The following KIF1C variants were observed in gnomAD, a reference collection of about 807,000 sequenced individuals.
KIF1C encodes the protein kinesin-like protein KIF1C.
Under a neutral mutation model 126.5 loss-of-function variants are expected in KIF1C, and 61 were observed. The ratio of observed to expected loss-of-function variants is 0.48; its 90% CI spans 0.39 to 0.60. The LOEUF (loss-of-function observed/expected upper bound fraction) is 0.60. KIF1C is among the 20% of genes least tolerant of loss of function. The probability of loss-of-function intolerance (pLI) is 0.00; values close to 1 mark genes in which losing one functional copy is unlikely to be tolerated. For missense variants in KIF1C, 1,315 were observed against 1,489.2 expected, an observed-to-expected ratio of 0.88 and a Z score of 1.93; for synonymous variants, 640 against 580.6, an observed-to-expected ratio of 1.10 and a Z score of -1.47.
At chr17:5,015,076 G>A (rs1416697413) in intron 18 of KIF1C, among the ~76,000 whole-genome samples, 4 of 152,192 alleles carry the variant, frequency 2.6e-5, no homozygotes, top group Non-Finnish European at 4.4e-5. Context: ...ACTGGCGAGG[G>A]TTCTAAGGTA....
rs34061009 is a variant in KIF1C, at chr17:5,026,740, CA to C, written c.*2610del. On this transcript the variant is annotated 3_prime_UTR_variant, in exon 23 of 23. Transcript: ENST00000320785. ...GGCCTGGGCAAGAGTGGGACTCTCTCAAAAAAAAAAAAAAAAAAAAATCCAC... is the reference window on the plus strand; with the variant it reads ...GGCCTGGGCAAGAGTGGGACTCTCTCAAAAAAAAAAAAAAAAAAAATCCAC... 1,531 of 98,946 alleles carry C rather than the reference CA, an allele frequency of 0.015. 28 individuals are homozygous for C. The highest frequency in any genetic ancestry group is 0.051 in the African/African-American group (1,285 of 25,418). 6.1% of individuals were successfully genotyped at this position (98,946 alleles called of 1,614,324 possible).
Position 4,999,917 on chromosome 17 carries a change from G to A in KIF1C, c.-81G>A. The stretch of plus-strand genomic sequence containing the variant: ...GTAGGATGGGGCTCCCCCTACGAGG[G>A]CCGGTGGCAGCCAGAACTGATACAG... On this transcript the variant is annotated 5_prime_UTR_variant, in exon 2 of 23. Transcript: ENST00000320785. 1 of 311,396 alleles carries A rather than the reference G, an allele frequency of 3.2e-6. No individual in the cohort carries two copies. The highest frequency in any genetic ancestry group is 3.8e-5 in the South Asian group (1 of 26,310). 19.3% of individuals were successfully genotyped at this position (311,396 alleles called of 1,614,324 possible). A position where few individuals can be genotyped will look rare whatever the true frequency, so the allele number is the denominator to read the frequency against.
rs146629079 is a variant in KIF1C at position 5,014,590 on chromosome 17, C to T, written c.1572-153C>T. ...CACTTCACTGCCCACTGAATGAACCCGGGCAAGCCATTTCACCTCCCTGAG... is the reference window on the plus strand; with the variant it reads ...CACTTCACTGCCCACTGAATGAACCTGGGCAAGCCATTTCACCTCCCTGAG... On this transcript the variant is annotated intron_variant, in intron 17 of 22. Transcript: ENST00000320785. 4.1e-3 allele frequency among the ~76,000 whole-genome samples: 619 copies of T among 152,304 alleles called. 3 individuals are homozygous for T. The highest frequency in any genetic ancestry group is 0.014 in the Middle Eastern group (4 of 294).
Position 5,024,065 on chromosome 17 carries a change from C to T in KIF1C, c.3226C>T (p.Pro1076Ser). The change falls in exon 23 of 23, where the codon CCC (proline) becomes TCC (serine). Residue 1076 changes from proline to serine, a missense_variant. Coordinates refer to ENST00000320785, the MANE Select transcript of KIF1C (RefSeq NM_006612.6). ...CTACCCAGCCCAGCGGCCCCCAGGG[C>T]CCCGCTACCCCCCATACACTACTCC... is the stretch of plus-strand genomic sequence containing the variant. ...QPYPAQRPPG[P>S]RYPPYTTPPR... 6.3e-7 allele frequency: 1 copy of T among 1,575,472 alleles called. No homozygotes were observed. Among genetic ancestry groups the T allele is most frequent in the Non-Finnish European group, 8.6e-7 (1 of 1,160,352 alleles).
intron 2 of KIF1C, 55 bp from the exon 3 acceptor site, chr17:5,000,165 A>C: frequency 1.0e-6 from 1 of 975,960 alleles, no homozygotes; most frequent in Non-Finnish European, 1.6e-6. Context: ...CTGGGAGGCA[A>C]TGTCTGGGTC....
intron 13 of KIF1C, among the ~76,000 whole-genome samples, chr17:5,006,185 G>A (rs1317495668): frequency 2.7e-5 from 4 of 150,456 alleles, no homozygotes; most frequent in East Asian, 2.1e-4. Flanking sequence ...CCAGCCTAGC[G>A]ACAGAGCAAG....
intron 16 of KIF1C, among the ~76,000 whole-genome samples, chr17:5,010,296 A>G (rs1283963758): frequency 1.3e-5 from 2 of 150,582 alleles, no homozygotes; most frequent in Non-Finnish European, 3.0e-5. Flanking sequence ...TAGATGTAGG[A>G]TAATGTATTT....
Position 5,002,076 on chromosome 17 carries a change from C to T in KIF1C, c.381C>T (p.Phe127=). The change falls in exon 6 of 23, where the codon TTC becomes TTT. Residue 127 remains phenylalanine, a synonymous_variant. Transcript: ENST00000320785. ...GIVPQLCEDL[F]SRVSENQSAQ... ...CCCTCCAGCTCTGTGAGGACCTCTTCTCTCGCGTTAGTGAGAACCAGAGTG... is the reference window on the plus strand; with the variant it reads ...CCCTCCAGCTCTGTGAGGACCTCTTTTCTCGCGTTAGTGAGAACCAGAGTG... 7.4e-6 allele frequency: 12 copies of T among 1,614,122 alleles called. No homozygotes were observed. The highest frequency in any genetic ancestry group is 1.0e-5 in the Non-Finnish European group (12 of 1,179,984).
rs1974747002 is a variant in KIF1C at position 5,006,904 on chromosome 17, C to G, written c.1166-11C>G. On this transcript the variant is annotated splice_polypyrimidine_tract_variant and intron_variant, in intron 13 of 22. Transcript: ENST00000320785. ...CTTAGCCTCATTCTTTTTCCTCTTT[C>G]TCCCTCCCAGGCCTGAAGACGGAAG... 1.9e-6 allele frequency: 3 copies of G among 1,611,338 alleles called. No homozygotes were observed. The highest frequency in any genetic ancestry group is 2.2e-5 in the South Asian group (2 of 90,806).
chr17:5,016,299 G>A (rs7221860), intron 18 of KIF1C, among the ~76,000 whole-genome samples: 3,577 of 151,812 alleles, frequency 0.024, 134 homozygotes, highest in African/African-American at 0.082. Context: ...CACCACACCC[G>A]GCTAATTTTG....
At chr17:5,017,456 A>G (rs984707512) in intron 18 of KIF1C, among the ~76,000 whole-genome samples, 8 of 150,860 alleles carry the variant, frequency 5.3e-5, no homozygotes, top group African/African-American at 1.7e-4. Flanking sequence ...CCCCCCCACC[A>G]CCACACCCGG....
chr17:5,020,567 G>A lies in KIF1C; in HGVS notation c.1826G>A (p.Arg609Gln), dbSNP rs773503454. ...GAGCAGGCAAGGCTGGAACGGGAAC[G>A]AGGGGTCCCCCCACCCCCAGGACCG... Reference protein sequence around the residue: ...HPEQARLERERGVPPPPGPPS... With the variant: ...HPEQARLEREQGVPPPPGPPS... The change falls in exon 20 of 23, where the codon CGA becomes CAA. Residue 609 changes from arginine (R) to glutamine (Q), a missense_variant. Coordinates refer to ENST00000320785, the MANE Select transcript of KIF1C (RefSeq NM_006612.6). The surrounding 1 kb of genome is among the most constrained non-coding windows in gnomAD (Gnocchi z 5.8). The A allele has an allele frequency of 7.4e-6, 12 of 1,614,116 alleles. No individual in the cohort carries two copies. Among genetic ancestry groups the A allele is most frequent in the African/African-American group, 2.7e-5 (2 of 74,952 alleles).
chr17:5,020,935 G>A lies in KIF1C; in HGVS notation c.2010+57G>A. 6.8e-7 allele frequency: 1 copy of A among 1,467,966 alleles called. No homozygotes were observed. Among genetic ancestry groups the A allele is most frequent in the Admixed American group, 2.0e-5 (1 of 50,946 alleles). The allele number at this position is 1,467,966 out of a possible 1,614,324, so 90.9% of individuals were successfully genotyped here. On this transcript the variant is annotated intron_variant, in intron 21 of 22. Transcript: ENST00000320785. This position sits in a 1 kb window ranked among gnomAD's most constrained non-coding sequence, Gnocchi z 5.8. ...ATGGGCAGATGAGCCGCAAGCCTGA[G>A]TCCGAGTGCAGTGCTCACCGCTGAG...
Position 5,023,728 on chromosome 17 carries a change from C to T in KIF1C, c.2889C>T (p.Arg963=), listed in dbSNP as rs1243346474. ...CTGGGGGCCGGGGCGGGGGGCTGCG[C>T]AGGCCCCCAGCCCGCTTTGTGCCCC... The part of the protein sequence containing the change: ...QGSGGRGGGL[R]RPPARFVPPH... The change falls in exon 23 of 23, where the codon CGC becomes CGT. Residue 963 remains arginine, a synonymous_variant. Coordinates refer to ENST00000320785, the MANE Select transcript of KIF1C (RefSeq NM_006612.6). The surrounding 1 kb of genome is among the most constrained non-coding windows in gnomAD (Gnocchi z 4.2). The T allele has an allele frequency of 6.5e-7, 1 of 1,535,080 alleles. No homozygotes were observed. The highest frequency in any genetic ancestry group is 8.7e-7 in the Non-Finnish European group (1 of 1,143,686).
intron 21 of KIF1C, among the ~76,000 whole-genome samples, chr17:5,021,826 A>G (rs1222352455): frequency 6.6e-6 from 1 of 151,772 alleles, no homozygotes; most frequent in Non-Finnish European, 1.5e-5. Flanking sequence ...ATTAGCTACA[A>G]CTAATACTTA....
rs960606553 is a variant in KIF1C at position 5,022,818 on chromosome 17, T to C, written c.2628+109T>C. ...TTCCCCAAGTCTGGAAAAAATTGCA[T>C]TGAAGTATAGTACGTTTTTTTCAAT... On this transcript the variant is annotated intron_variant, in intron 22 of 22. Transcript: ENST00000320785. This position sits in a 1 kb window ranked among gnomAD's most constrained non-coding sequence, Gnocchi z 4.9. The C allele has an allele frequency of 4.4e-6, 6 of 1,367,424 alleles. No individual in the cohort carries two copies. The highest frequency in any genetic ancestry group is 2.7e-5 in the East Asian group (1 of 37,564). The allele number at this position is 1,367,424 out of a possible 1,614,324, so 84.7% of individuals were successfully genotyped here. A position where few individuals can be genotyped will look rare whatever the true frequency, so the allele number is the denominator to read the frequency against.
Position 5,003,738 on chromosome 17 carries a change from G to T in KIF1C, c.798+49G>T, listed in dbSNP as rs200235697. The stretch of plus-strand genomic sequence containing the variant: ...TTGTTGTGGGGCAGTGTTGTGGGCT[G>T]TATGTGGAGGTCTCCAGTCGGAACC... On this transcript the variant is annotated intron_variant, in intron 9 of 22. Transcript: ENST00000320785. The T allele has an allele frequency of 4.5e-6, 7 of 1,569,296 alleles. No individual in the cohort carries two copies. The African/African-American group carries it at 9.5e-5, about 21-fold the overall frequency.
intron 11 of KIF1C, 97 bp downstream of exon 11, chr17:5,004,170 A>G (rs920133848): frequency 2.2e-6 from 2 of 925,556 alleles, no homozygotes; most frequent in African/African-American, 3.2e-5. Context: ...AGAATCCCAA[A>G]TCCCGTTGTC....
chr17:5,016,058 G>A (rs1412393535), intron 18 of KIF1C, among the ~76,000 whole-genome samples: 1 of 152,044 alleles, frequency 6.6e-6, no homozygotes, highest in Non-Finnish European at 1.5e-5. Flanking sequence ...GACCTGGTGT[G>A]TGTGTTGTGC....
Sources: allele counts gnomAD v4.1 joint callset (sites outside exome capture counted in the v4.1 genomes callset), GRCh38; gene constraint gnomAD v4.1.1; non-coding constraint Gnocchi (gnomAD v3.1); transcripts MANE v1.5; gene names NCBI Gene and HGNC (gene_info 2026-07-23, HGNC 2026-07-21).